The following ATRNL1 variants were observed in gnomAD, a reference collection of about 807,000 sequenced individuals.
The protein encoded by ATRNL1 is attractin-like protein 1.
In ATRNL1, 95 loss-of-function variants were observed where a neutral mutation model predicts 182.7. The ratio of observed to expected loss-of-function variants is 0.52; its 90% CI spans 0.44 to 0.62. ATRNL1 has a LOEUF of 0.62. ATRNL1 is among the 20% of genes least tolerant of loss of function. The pLI is 0.00. For synonymous variants in ATRNL1, 576 were observed against 568.3 expected, an observed-to-expected ratio of 1.01 and a Z score of -0.19; for missense variants, 1,471 against 1,679.5, an observed-to-expected ratio of 0.88 and a Z score of 2.17.
intron 28 of ATRNL1, among the ~76,000 whole-genome samples, chr10:115,942,043 A>C (rs1953746705): frequency 1.3e-5 from 2 of 152,190 alleles, no homozygotes; most frequent in African/African-American, 2.4e-5. Flanking sequence ...TAAATCTGTA[A>C]ATTTATCAGC....
At chr10:115,141,187 TTTG>T (rs1281585314) in intron 5 of ATRNL1, among the ~76,000 whole-genome samples, 2 of 152,060 alleles carry the variant, frequency 1.3e-5, no homozygotes, top group Non-Finnish European at 2.9e-5. Flanking sequence ...GCCACTTGCA[TTTG>T]TTGTTGTTAT....
At chr10:115,368,098 G>A (rs928339358) in intron 19 of ATRNL1, among the ~76,000 whole-genome samples, 1 of 152,184 alleles carries the variant, frequency 6.6e-6, no homozygotes, top group African/African-American at 2.4e-5. Flanking sequence ...GCAAGCCTGG[G>A]CAATGGCGGG....
intron 26 of ATRNL1, among the ~76,000 whole-genome samples, chr10:115,624,841 T>A (rs1555024157): frequency 6.6e-6 from 1 of 152,210 alleles, no homozygotes; most frequent in African/African-American, 2.4e-5. Flanking sequence ...CTTCTACTCG[T>A]CTTTACAGGA....
chr10:115,294,273 C>T (rs1442026276), intron 15 of ATRNL1, among the ~76,000 whole-genome samples: 1 of 152,114 alleles, frequency 6.6e-6, no homozygotes, highest in Non-Finnish European at 1.5e-5. Context: ...CACTTGTAAG[C>T]CCAGGAGATC....
At chr10:115,515,550 A>G (rs781991676) in intron 24 of ATRNL1, among the ~76,000 whole-genome samples, 65 of 151,752 alleles carry the variant, frequency 4.3e-4, no homozygotes, top group Non-Finnish European at 8.6e-4. Flanking sequence ...TACCATTTAG[A>G]TTTTTAAAAT....
intron 28 of ATRNL1, among the ~76,000 whole-genome samples, chr10:115,907,077 A>G (rs1555114738): frequency 6.6e-6 from 1 of 151,212 alleles, no homozygotes; most frequent in Non-Finnish European, 1.5e-5. Flanking sequence ...CATTTCCTAG[A>G]TGAGGAATTT....
At chr10:115,876,920 A>T (rs1210974411) in intron 28 of ATRNL1, among the ~76,000 whole-genome samples, 1 of 152,322 alleles carries the variant, frequency 6.6e-6, no homozygotes, top group South Asian at 2.1e-4. Flanking sequence ...CATTTCAGCC[A>T]AACAATTTAT....
chr10:115,639,912 T>C (rs1555029680), intron 26 of ATRNL1, among the ~76,000 whole-genome samples: 1 of 151,996 alleles, frequency 6.6e-6, no homozygotes, highest in East Asian at 1.9e-4. Flanking sequence ...CCATCAACCG[T>C]CATCTAGGTT....
At chr10:115,440,994 A>AT (rs137903415) in intron 21 of ATRNL1, among the ~76,000 whole-genome samples, 2,501 of 150,584 alleles carry the variant, frequency 0.017, 69 homozygotes, top group African/African-American at 0.057. Flanking sequence ...GAATGTTCCC[A>AT]TTTTTTTTTA....
In ATRNL1 at chr10:115,315,737, G is replaced by A; in HGVS notation, c.3037+1G>A. On this transcript the variant is annotated splice_donor_variant, in intron 18 of 28. Transcript: ENST00000355044. LOFTEE classifies it high-confidence loss of function. The stretch of plus-strand genomic sequence containing the variant: ...GAGTGGTCCTTTATCCAGTGTCCAG[G>A]TAATAATAATGTAATGGAAACAATT... The A allele has an allele frequency of 6.2e-7, 1 of 1,608,184 alleles. No homozygotes were observed. The highest frequency in any genetic ancestry group is 8.5e-7 in the Non-Finnish European group (1 of 1,176,694).
intron 24 of ATRNL1, among the ~76,000 whole-genome samples, chr10:115,477,724 G>A (rs1554973443): frequency 6.6e-6 from 1 of 151,562 alleles, no homozygotes; most frequent in African/African-American, 2.4e-5. Context: ...GGATAACCTT[G>A]ATAGAAGCAT....
rs1354074828 is a variant in ATRNL1, at chr10:115,329,418, T to C, written c.3038-4864T>C. Among the ~76,000 whole-genome samples, 4 of 152,278 alleles carry C rather than the reference T, an allele frequency of 2.6e-5. No homozygotes were observed. The East Asian group carries it at 7.7e-4, about 29-fold the overall frequency. ...TCATTTTTGTCATAAATTCAGTTTATGTTCAGTGTTTCCCCATATATTTTC... is the reference window on the plus strand; with the variant it reads ...TCATTTTTGTCATAAATTCAGTTTACGTTCAGTGTTTCCCCATATATTTTC... On this transcript the variant is annotated intron_variant, in intron 18 of 28. Transcript: ENST00000355044.
At chr10:115,904,354 G>A (rs1025619979) in intron 28 of ATRNL1, among the ~76,000 whole-genome samples, 1 of 152,092 alleles carries the variant, frequency 6.6e-6, no homozygotes, top group African/African-American at 2.4e-5. Flanking sequence ...CACCTTTTTA[G>A]GCCACCACTC....
chr10:115,734,826 TC>T (rs1188789969), intron 27 of ATRNL1, among the ~76,000 whole-genome samples: 5 of 152,170 alleles, frequency 3.3e-5, no homozygotes, highest in African/African-American at 1.2e-4. Flanking sequence ...TAAAAAATAT[TC>T]CCTTTTATCC....
chr10:115,309,652 C>G (rs1448721842), intron 17 of ATRNL1, among the ~76,000 whole-genome samples: 1 of 152,044 alleles, frequency 6.6e-6, no homozygotes, highest in Non-Finnish European at 1.5e-5. Context: ...ATTGATTTAT[C>G]AAATCTAGGA....
chr10:115,243,170 G>C (rs1424922559), intron 10 of ATRNL1, among the ~76,000 whole-genome samples: 6 of 152,046 alleles, frequency 3.9e-5, no homozygotes, highest in African/African-American at 1.2e-4. Context: ...TTTGCAAAAG[G>C]TTCTTCAAGG....
intron 26 of ATRNL1, among the ~76,000 whole-genome samples, chr10:115,697,433 C>T (rs6585351): frequency 0.37 from 56,035 of 151,876 alleles, 11,141 homozygotes; most frequent in Admixed American, 0.54. Flanking sequence ...TAAAGCAATT[C>T]TGGCACCTCA....
intron 25 of ATRNL1, among the ~76,000 whole-genome samples, chr10:115,546,410 AAAC>A (rs1565153731): frequency 2.6e-5 from 4 of 151,800 alleles, no homozygotes; most frequent in African/African-American, 7.3e-5. Context: ...TAAAAATACA[AAAC>A]AAATTAAGTG....
At chr10:115,219,187 G>A (rs777026949) in intron 9 of ATRNL1, among the ~76,000 whole-genome samples, 36 of 148,944 alleles carry the variant, frequency 2.4e-4, no homozygotes, top group Non-Finnish European at 2.1e-4. Flanking sequence ...AGCTGAGATC[G>A]CGCCACTGCA....
Sources: allele counts gnomAD v4.1 joint callset (sites outside exome capture counted in the v4.1 genomes callset), GRCh38; gene constraint gnomAD v4.1.1; transcripts MANE v1.5; gene names NCBI Gene and HGNC (gene_info 2026-07-23, HGNC 2026-07-21).